VIM: variants seen among roughly 807,000 people sequenced by gnomAD.
VIM encodes epididymis secretory sperm binding protein.
VIM carries 18 observed loss-of-function variants against 50.3 expected under a neutral mutation model. The ratio of observed to expected loss-of-function variants is 0.36; its 90% CI spans 0.25 to 0.53. VIM has a LOEUF of 0.53. VIM is among the 20% of genes least tolerant of loss of function. The probability of loss-of-function intolerance (pLI) is 0.91; values close to 1 mark genes in which losing one functional copy is unlikely to be tolerated. For synonymous variants in VIM, 245 were observed against 248.5 expected (o/e 0.99, Z 0.13); for missense variants, 551 against 614.7 (o/e 0.90, Z 1.10).
intron 9 of VIM, 62 bp downstream of exon 9, chr10:17,236,441 C>A: frequency 7.4e-7 from 1 of 1,355,162 alleles, no homozygotes. Context: ...ATTTTAAAAT[C>A]AGTGAATCTG....
At position 17,236,333 on chromosome 10, in the gene VIM, C is replaced by G; in HGVS notation, c.1313C>G (p.Ser438Ter). ...TCACTCCCTCTGGTTGATACCCACT[C>G]AAAAAGGACACTTCTGATTAAGACG... Reference protein sequence around the residue: ...LDSLPLVDTHSKRTLLIKTVE... With the variant: ...LDSLPLVDTH The change falls in exon 9 of 10, where the codon TCA becomes TGA. Residue 438 changes from serine (S) to a stop codon, truncating the protein, a stop_gained. Coordinates refer to ENST00000544301, the MANE Select transcript of VIM (RefSeq NM_003380.5). LOFTEE classifies it high-confidence loss of function. 6.2e-7 allele frequency: 1 copy of G among 1,613,812 alleles called. No individual in the cohort carries two copies. Among genetic ancestry groups the G allele is most frequent in the Non-Finnish European group, 8.5e-7 (1 of 1,179,842 alleles).
intron 2 of VIM, 78 bp downstream of exon 2, chr10:17,230,063 G>C (rs2131679960): frequency 6.7e-7 from 1 of 1,488,728 alleles, no homozygotes; most frequent in Non-Finnish European, 9.0e-7. Context: ...CGGCCCCCGC[G>C]AGAGCTGCCA....
In VIM at chr10:17,236,255, A is replaced by T. The variant is rs773836255; in HGVS notation, c.1274-39A>T. On this transcript the variant is annotated intron_variant, in intron 8 of 9. Transcript: ENST00000544301. The stretch of plus-strand genomic sequence containing the variant: ...GGTTACTTGGTTTTTCCAAGAAAAA[A>T]CTCGTTTTTACTCATTTTTGGCCTG... 4.7e-6 allele frequency: 7 copies of T among 1,486,818 alleles called. No homozygotes were observed. In the East Asian group the frequency reaches 1.4e-4, roughly 29 times the overall value. The allele number at this position is 1,486,818 out of a possible 1,614,324, so 92.1% of individuals were successfully genotyped here.
In VIM at chr10:17,236,324, A is replaced by G; in HGVS notation, c.1304A>G (p.Asp435Gly). 6.2e-7 allele frequency: 1 copy of G among 1,613,926 alleles called. No homozygotes were observed. The highest frequency in any genetic ancestry group is 1.3e-5 in the African/African-American group (1 of 75,026). Residue 435 changes from aspartate (D) to glycine (G), a missense_variant, in exon 9 of 10, where the codon GAT becomes GGT. Transcript: ENST00000544301. ...AATCTGGATTCACTCCCTCTGGTTG[A>G]TACCCACTCAAAAAGGACACTTCTG... ...ETNLDSLPLV[D>G]THSKRTLLIK...
chr10:17,229,615 T>C lies in VIM; in HGVS notation c.193T>C (p.Ser65Pro). ...CCCGGGCGGCGTGTATGCCACGCGCTCCTCTGCCGTGCGCCTGCGGAGCAG... is the reference window on the plus strand; with the variant it reads ...CCCGGGCGGCGTGTATGCCACGCGCCCCTCTGCCGTGCGCCTGCGGAGCAG... ...SSPGGVYATRSSAVRLRSSVP... is the reference protein window; with the variant it reads ...SSPGGVYATRPSAVRLRSSVP... The change falls in exon 2 of 10, where the codon TCC becomes CCC. Residue 65 changes from serine to proline, a missense_variant. Coordinates refer to ENST00000544301, the MANE Select transcript of VIM (RefSeq NM_003380.5). 1.3e-6 allele frequency: 2 copies of C among 1,596,464 alleles called. No homozygotes were observed. Among genetic ancestry groups the C allele is most frequent in the Non-Finnish European group, 1.7e-6 (2 of 1,172,338 alleles).
At chr10:17,229,145 C>CT in intron 1 of VIM, 131 bp from the exon 2 acceptor site, 1 of 149,546 alleles carries the variant, frequency 6.7e-6, no homozygotes, top group Non-Finnish European at 1.5e-5. Flanking sequence ...GGCGCCCCCA[C>CT]CCCACCCGCC....
At chr10:17,230,311 A>G (rs1293625222) in intron 2 of VIM, 8 of 563,604 alleles carry the variant, frequency 1.4e-5, no homozygotes, top group Admixed American at 3.1e-5. Flanking sequence ...AACTTTCAGA[A>G]AGTTTCCTGC....
chr10:17,236,012 C>T, intron 8 of VIM, 123 bp downstream of exon 8: 1 of 1,128,152 alleles, frequency 8.9e-7, no homozygotes, highest in African/African-American at 1.6e-5. Flanking sequence ...CTCTATAAAA[C>T]ATCTATAATT....
At chr10:17,236,875 C>T (rs1846898379) in intron 9 of VIM, among the ~76,000 whole-genome samples, 1 of 152,292 alleles carries the variant, frequency 6.6e-6, no homozygotes, top group African/African-American at 2.4e-5. Context: ...ATCATGAAAT[C>T]TTCCCTTGCA....
chr10:17,232,508 G>T (rs1412981842), intron 3 of VIM, among the ~76,000 whole-genome samples: 1 of 152,156 alleles, frequency 6.6e-6, no homozygotes, highest in Non-Finnish European at 1.5e-5. Context: ...TCTGAAACAG[G>T]CTAACTGAAC....
Position 17,230,655 on chromosome 10 carries a change from A to G in VIM, c.569A>G (p.Gln190Arg). 2 of 1,614,138 alleles carry G rather than the reference A, an allele frequency of 1.2e-6. No individual in the cohort carries two copies. The highest frequency in any genetic ancestry group is 2.2e-5 in the East Asian group (1 of 44,888). The change falls in exon 3 of 10, where the codon CAG becomes CGG. Residue 190 changes from glutamine to arginine, a missense_variant. Around this residue, in one of 3 missense-constraint regions of VIM, gnomAD observed 394 missense variants for 437.5 expected, o/e 0.90. Transcript: ENST00000544301. ...EDIMRLREKL[Q>R]EEMLQREEAE... ...TTAATGCGCAACTGTTTCAGATTGC[A>G]GGAGGAGATGCTTCAGAGAGAGGAA... is the stretch of plus-strand genomic sequence containing the variant.
intron 3 of VIM, chr10:17,233,368 A>C (rs925640506): frequency 1.8e-6 from 1 of 554,400 alleles, no homozygotes; most frequent in Admixed American, 3.1e-5. Context: ...CTTGAGTAAA[A>C]CACAAGCAGT....
At chr10:17,230,985 C>T in intron 3 of VIM, 1 of 415,160 alleles carries the variant, frequency 2.4e-6, no homozygotes, top group South Asian at 2.4e-5. Context: ...TCACTGCATC[C>T]TCCGCCTCCC....
At position 17,229,545 on chromosome 10, in the gene VIM, C is replaced by A. The variant is rs779199559; in HGVS notation, c.123C>A (p.Gly41=). 12 of 1,607,858 alleles carry A rather than the reference C, an allele frequency of 7.5e-6. No individual in the cohort carries two copies. Among genetic ancestry groups the A allele is most frequent in the Non-Finnish European group, 1.0e-5 (12 of 1,178,876 alleles). ...CGTCCACCCGCACCTACAGCCTGGG[C>A]AGCGCGCTGCGCCCCAGCACCAGCC... ...VTTSTRTYSL[G]SALRPSTSRS... is the part of the protein sequence containing the mutation. Residue 41 remains glycine (G), a synonymous_variant, in exon 2 of 10, where the codon GGC becomes GGA. Coordinates refer to ENST00000544301, the MANE Select transcript of VIM (RefSeq NM_003380.5).
At position 17,229,341 on chromosome 10, in the gene VIM, C is replaced by A. The variant is rs574354033; in HGVS notation, c.-82C>A. 164 of 1,430,470 alleles carry A rather than the reference C, an allele frequency of 1.1e-4. 1 individual carries two copies. The East Asian group carries it at 3.6e-3, about 31-fold the overall frequency. 88.6% of individuals were successfully genotyped at this position (1,430,470 alleles called of 1,614,324 possible). A position where few individuals can be genotyped will look rare whatever the true frequency, so the allele number is the denominator to read the frequency against. On this transcript the variant is annotated 5_prime_UTR_variant, in exon 2 of 10. Coordinates refer to ENST00000544301, the MANE Select transcript of VIM (RefSeq NM_003380.5). ...GCAGCCGCGCTCCCACCACCCACACCCACCGCGCCCTCGTTCGCCTCTTCT... is the reference window on the plus strand; with the variant it reads ...GCAGCCGCGCTCCCACCACCCACACACACCGCGCCCTCGTTCGCCTCTTCT...
intron 2 of VIM, 49 bp from the exon 3 acceptor site, chr10:17,230,601 C>T (rs757059259): frequency 1.9e-5 from 30 of 1,608,624 alleles, no homozygotes; most frequent in Non-Finnish European, 2.3e-5. Context: ...GGCCGCCCCG[C>T]CCCTGGCGGT....
intron 7 of VIM, 129 bp from the exon 8 acceptor site, chr10:17,235,717 C>G (rs1022953635): frequency 7.6e-6 from 7 of 924,530 alleles, no homozygotes; most frequent in Non-Finnish European, 1.2e-5. Flanking sequence ...GTTTCTGAGA[C>G]AAATCTCTAG....
intron 1 of VIM, chr10:17,229,074 G>T: frequency 2.3e-6 from 1 of 425,820 alleles, no homozygotes; most frequent in East Asian, 4.8e-5. Context: ...AAAAGTCCCA[G>T]CCCAGCGCTG....
chr10:17,231,884 T>C (rs180993775), intron 3 of VIM, among the ~76,000 whole-genome samples: 1 of 152,248 alleles, frequency 6.6e-6, no homozygotes, highest in East Asian at 1.9e-4. Flanking sequence ...TTCCCTGGAA[T>C]ATTTACTGGG....
Sources: allele counts gnomAD v4.1 joint callset (sites outside exome capture counted in the v4.1 genomes callset), GRCh38; gene constraint gnomAD v4.1.1; regional missense constraint gnomAD v4.1.1; transcripts MANE v1.5; gene names NCBI Gene and HGNC (gene_info 2026-07-23, HGNC 2026-07-21).